CFAP299: variants seen among roughly 807,000 people sequenced by gnomAD.
CFAP299 encodes cilia- and flagella-associated protein 299.
CFAP299 carries 21 observed loss-of-function variants against 27.0 expected under a neutral mutation model. The observed-to-expected ratio is 0.78, with a 90% confidence interval of 0.55 to 1.12. The LOEUF is 1.12. CFAP299 is among the 50% of genes most tolerant of loss of function. The pLI is 0.00. For missense variants in CFAP299, 310 were observed against 276.6 expected, an observed-to-expected ratio of 1.12 and a Z score of -0.86; for synonymous variants, 104 against 98.1, an observed-to-expected ratio of 1.06 and a Z score of -0.36.
chr4:80,694,386 C>T (rs988485213), intron 3 of CFAP299, among the ~76,000 whole-genome samples: 3 of 152,154 alleles, frequency 2.0e-5, no homozygotes, highest in African/African-American at 7.2e-5. Context: ...AGGCCAAATG[C>T]TGGTCACCAC....
At chr4:80,750,092 TTTCTTAATGTATGA>T in intron 3 of CFAP299, among the ~76,000 whole-genome samples, 1 of 152,326 alleles carries the variant, frequency 6.6e-6, no homozygotes, top group East Asian at 1.9e-4. Flanking sequence ...ATAATTTATT[TTTCTTAATGTATGA>T]TTTTTAATGT....
chr4:80,804,412 G>GC (rs1341903782), intron 3 of CFAP299, among the ~76,000 whole-genome samples: 1 of 152,058 alleles, frequency 6.6e-6, no homozygotes, highest in African/African-American at 2.4e-5. Context: ...CACGTAGTGT[G>GC]ATATCCTCAA....
intron 3 of CFAP299, among the ~76,000 whole-genome samples, chr4:80,660,003 T>TTAG (rs1740756620): frequency 6.6e-6 from 1 of 152,262 alleles, no homozygotes; most frequent in East Asian, 1.9e-4. Flanking sequence ...AATGAAGTAA[T>TTAG]TAGACTGACA....
At chr4:80,656,068 C>T (rs550322643) in intron 3 of CFAP299, among the ~76,000 whole-genome samples, 10 of 152,048 alleles carry the variant, frequency 6.6e-5, no homozygotes, top group Non-Finnish European at 1.5e-4. Context: ...AACCAATGAG[C>T]AGCTCAGATT....
intron 2 of CFAP299, among the ~76,000 whole-genome samples, chr4:80,525,246 A>G (rs1008221404): frequency 6.6e-6 from 1 of 152,136 alleles, no homozygotes; most frequent in Non-Finnish European, 1.5e-5. Flanking sequence ...CCTGCACTCA[A>G]GGGAAGAGGA....
intron 3 of CFAP299, among the ~76,000 whole-genome samples, chr4:80,832,073 A>C (rs1302863819): frequency 2.6e-5 from 4 of 152,146 alleles, no homozygotes; most frequent in African/African-American, 9.7e-5. Flanking sequence ...CAGAACAATG[A>C]GCACAATATG....
At chr4:80,742,933 C>T (rs1057237653) in intron 3 of CFAP299, among the ~76,000 whole-genome samples, 2 of 152,156 alleles carry the variant, frequency 1.3e-5, no homozygotes, top group African/African-American at 4.8e-5. Context: ...CTCACTTCAG[C>T]AATCCATTTG....
At chr4:80,748,750 CT>C (rs1265045561) in intron 3 of CFAP299, among the ~76,000 whole-genome samples, 1 of 152,116 alleles carries the variant, frequency 6.6e-6, no homozygotes, top group African/African-American at 2.4e-5. Context: ...AATATTATCT[CT>C]AAAATTCTGC....
At chr4:80,466,266 C>A (rs1729693904) in intron 2 of CFAP299, among the ~76,000 whole-genome samples, 1 of 152,052 alleles carries the variant, frequency 6.6e-6, no homozygotes, top group African/African-American at 2.4e-5. Flanking sequence ...CTTTTTGAGT[C>A]CAGATCTTTC....
intron 2 of CFAP299, among the ~76,000 whole-genome samples, chr4:80,581,080 A>G (rs1393611383): frequency 6.6e-6 from 1 of 151,788 alleles, no homozygotes; most frequent in Non-Finnish European, 1.5e-5. Flanking sequence ...CTGTTGATTT[A>G]TGTACTTGTA....
intron 3 of CFAP299, among the ~76,000 whole-genome samples, chr4:80,710,505 A>T (rs1377620189): frequency 6.7e-6 from 1 of 149,558 alleles, no homozygotes; most frequent in Non-Finnish European, 1.5e-5. Context: ...TTTTTTAAAA[A>T]AAAAAAGGTA....
chr4:80,736,958 A>G (rs1723928728), intron 3 of CFAP299, among the ~76,000 whole-genome samples: 1 of 152,212 alleles, frequency 6.6e-6, no homozygotes, highest in Admixed American at 6.5e-5. Context: ...TGTGGCACAT[A>G]TACACCATGG....
intron 3 of CFAP299, among the ~76,000 whole-genome samples, chr4:80,820,356 G>C (rs59838872): frequency 0.076 from 11,576 of 152,150 alleles, 504 homozygotes; most frequent in African/African-American, 0.099. Context: ...TCTTTCCTTA[G>C]GAAATTTAAG....
intron 2 of CFAP299, among the ~76,000 whole-genome samples, chr4:80,489,807 T>C (rs1449556834): frequency 1.3e-5 from 2 of 152,242 alleles, no homozygotes; most frequent in Non-Finnish European, 2.9e-5. Context: ...ATTATAATTT[T>C]GTTTTTGTTG....
chr4:80,522,237 C>T (rs1184988355), intron 2 of CFAP299, among the ~76,000 whole-genome samples: 1 of 151,790 alleles, frequency 6.6e-6, no homozygotes, highest in East Asian at 1.9e-4. Context: ...TTTTGATTTT[C>T]ATTTACCTAA....
intron 4 of CFAP299, chr4:80,872,742 T>C (rs1188693974): frequency 5.0e-6 from 1 of 200,556 alleles, no homozygotes; most frequent in East Asian, 1.9e-4. Flanking sequence ...GTATCTTTTA[T>C]TGGCTGTTCA....
intron 1 of CFAP299, among the ~76,000 whole-genome samples, chr4:80,344,641 A>G (rs1722634818): frequency 1.3e-5 from 2 of 151,826 alleles, no homozygotes; most frequent in South Asian, 4.1e-4. Flanking sequence ...CTCCCTGTTT[A>G]TAAAGCCAGT....
chr4:80,888,351 A>G (rs1003630176), intron 4 of CFAP299, among the ~76,000 whole-genome samples: 1 of 152,140 alleles, frequency 6.6e-6, no homozygotes, highest in African/African-American at 2.4e-5. Flanking sequence ...CTTATGTTGA[A>G]CAAAATAGAT....
intron 2 of CFAP299, among the ~76,000 whole-genome samples, chr4:80,503,766 C>T (rs1731856521): frequency 6.6e-6 from 1 of 152,168 alleles, no homozygotes; most frequent in Non-Finnish European, 1.5e-5. Flanking sequence ...TTACCTTACT[C>T]ACCTTTGTGC....
Sources: allele counts gnomAD v4.1 joint callset (sites outside exome capture counted in the v4.1 genomes callset), GRCh38; gene constraint gnomAD v4.1.1; transcripts MANE v1.5; gene names NCBI Gene and HGNC (gene_info 2026-07-23, HGNC 2026-07-21).